FBLN2: variants seen among roughly 807,000 people sequenced by gnomAD.
FBLN2 encodes the protein fibulin 2, also known as fibulin-2.
FBLN2 carries 81 observed loss-of-function variants against 123.7 expected under a neutral mutation model. That is an observed-to-expected ratio of 0.65 (90% CI 0.55 to 0.79). The LOEUF is 0.79. Among genes scored for constraint, FBLN2 ranks in the 30% least tolerant of loss-of-function variants. The probability of loss-of-function intolerance (pLI) is 0.00; values close to 1 mark genes in which losing one functional copy is unlikely to be tolerated. For synonymous variants in FBLN2, 699 were observed against 701.4 expected, an observed-to-expected ratio of 1.00 and a Z score of 0.05; for missense variants, 1,603 against 1,681.3, an observed-to-expected ratio of 0.95 and a Z score of 0.81.
intron 1 of FBLN2, among the ~76,000 whole-genome samples, chr3:13,550,417 C>T (rs1213474168): frequency 1.3e-5 from 2 of 152,230 alleles, no homozygotes; most frequent in Non-Finnish European, 2.9e-5. Flanking sequence ...TTGCAGTGAT[C>T]ACTTGGGCCA....
rs543515573 is a variant in FBLN2 at position 13,618,279 on chromosome 3, C to A, written c.1933C>A (p.Arg645Ser). 2 of 1,613,658 alleles carry A rather than the reference C, an allele frequency of 1.2e-6. No homozygotes were observed. Among genetic ancestry groups the A allele is most frequent in the Non-Finnish European group, 1.7e-6 (2 of 1,179,896 alleles). ...ACTGCAGGACGATGGCCGCACTTGCCGCCCAGGTAAGGGCCCTGATGGCCA... is the reference window on the plus strand; with the variant it reads ...ACTGCAGGACGATGGCCGCACTTGCAGCCCAGGTAAGGGCCCTGATGGCCA... ...FSLQDDGRTC[R>S]PEGHPPQPEA... Residue 645 changes from arginine (R) to serine (S), a missense_variant, in exon 6 of 18, where the codon CGC (arginine) becomes AGC (serine). Arg to Ser is a moderately radical substitution (Grantham distance 110). Transcript: ENST00000404922.
At chr3:13,600,562 A>C (rs1432935077) in intron 2 of FBLN2, among the ~76,000 whole-genome samples, 1 of 151,726 alleles carries the variant, frequency 6.6e-6, no homozygotes, top group East Asian at 1.9e-4. Context: ...GGCCTGGAGA[A>C]GGGAGAGTAA....
In FBLN2 at chr3:13,605,575, G is replaced by A. The variant is rs373943282; in HGVS notation, c.1307-2487G>A. Reference sequence around the variant, plus strand: ...TCTGACAGCTCCTGCATGTAGCATGGCCCCAGATTTTCCTCATCCTCCCCC... The same window carrying A: ...TCTGACAGCTCCTGCATGTAGCATGACCCCAGATTTTCCTCATCCTCCCCC... On this transcript the variant is annotated intron_variant, in intron 2 of 17. Transcript: ENST00000404922. Among the ~76,000 whole-genome samples, 264 of 152,254 alleles carry A rather than the reference G, an allele frequency of 1.7e-3. 1 individual carries two copies. The South Asian group carries it at 0.032, about 18-fold the overall frequency.
chr3:13,615,668 T>C (rs1283871547), intron 5 of FBLN2, among the ~76,000 whole-genome samples: 1 of 152,224 alleles, frequency 6.6e-6, no homozygotes, highest in Non-Finnish European at 1.5e-5. Flanking sequence ...TAGTGATGCA[T>C]TCAGCATTGC....
intron 2 of FBLN2, among the ~76,000 whole-genome samples, chr3:13,599,690 C>A (rs1027526136): frequency 4.0e-5 from 6 of 151,246 alleles, no homozygotes; most frequent in African/African-American, 7.3e-5. Flanking sequence ...GAGTGATAGA[C>A]TGGAGGGAGG....
Position 13,638,019 on chromosome 3 carries a change from ATTAAC to A in FBLN2, c.*105_*109del. The A allele has an allele frequency of 4.3e-6, 5 of 1,153,276 alleles. No homozygotes were observed. The highest frequency in any genetic ancestry group is 4.7e-5 in the Admixed American group (2 of 42,350). 71.4% of individuals were successfully genotyped at this position (1,153,276 alleles called of 1,614,324 possible). A position where few individuals can be genotyped will look rare whatever the true frequency, so the allele number is the denominator to read the frequency against. The stretch of plus-strand genomic sequence containing the variant: ...TGTGGTTTTTACTATAACTTTGTAA[ATTAAC>A]TTAATTTTGCTGACTTGACTCCTGT... On this transcript the variant is annotated 3_prime_UTR_variant, in exon 18 of 18. Transcript: ENST00000404922.
intron 1 of FBLN2, among the ~76,000 whole-genome samples, chr3:13,559,255 A>AGGC (rs1553616084): frequency 6.6e-6 from 1 of 151,712 alleles, no homozygotes; most frequent in Non-Finnish European, 1.5e-5. Flanking sequence ...GTTAATCAAA[A>AGGC]GGGGTTCATG....
At chr3:13,601,041 C>G (rs1046078172) in intron 2 of FBLN2, among the ~76,000 whole-genome samples, 1 of 152,192 alleles carries the variant, frequency 6.6e-6, no homozygotes, top group Admixed American at 6.5e-5. Flanking sequence ...AGGGTAGTCA[C>G]TCTGCTTGGG....
chr3:13,626,704 C>A, intron 10 of FBLN2, 125 bp downstream of exon 10: 1 of 978,660 alleles, frequency 1.0e-6, no homozygotes, highest in Non-Finnish European at 1.4e-6. Flanking sequence ...CCTCTCCATC[C>A]CCTCCTTTCT....
In FBLN2 at chr3:13,601,221, G is replaced by A. The variant is rs1428009035; in HGVS notation, c.1307-6841G>A. 4.6e-5 allele frequency among the ~76,000 whole-genome samples: 7 copies of A among 152,236 alleles called. No homozygotes were observed. In the East Asian group the frequency reaches 1.3e-3, roughly 29 times the overall value. On this transcript the variant is annotated intron_variant, in intron 2 of 17. Transcript: ENST00000404922. Reference sequence around the variant, plus strand: ...TCCCACTGATGTCATCTGGCTAAGAGCCAGGGACCATAATCTCTGTAAGGC... The same window carrying A: ...TCCCACTGATGTCATCTGGCTAAGAACCAGGGACCATAATCTCTGTAAGGC...
chr3:13,562,075 T>G (rs566219979), intron 1 of FBLN2, among the ~76,000 whole-genome samples: 1 of 152,320 alleles, frequency 6.6e-6, no homozygotes, highest in Admixed American at 6.5e-5. Flanking sequence ...ACTTGATGCT[T>G]TGTGCCAAGA....
At chr3:13,634,833 T>C (rs1450090027) in intron 16 of FBLN2, among the ~76,000 whole-genome samples, 2 of 152,234 alleles carry the variant, frequency 1.3e-5, no homozygotes, top group Non-Finnish European at 2.9e-5. Flanking sequence ...CTGGCAGCTA[T>C]GTGACCCTGG....
Position 13,627,875 on chromosome 3 carries a change from C to T in FBLN2, c.2475C>T (p.Gly825=), listed in dbSNP as rs533566155. Reference sequence around the variant, plus strand: ...TGGGCACGCACACCTGCCAGCCGGGCTTCTTGTGCCAGAACACCAAGGGCT... The same window carrying T: ...TGGGCACGCACACCTGCCAGCCGGGTTTCTTGTGCCAGAACACCAAGGGCT... ...CAMGTHTCQP[G]FLCQNTKGSF... The change falls in exon 11 of 18, where the codon GGC becomes GGT. Residue 825 remains glycine, a synonymous_variant. Coordinates refer to ENST00000404922, the MANE Select transcript of FBLN2 (RefSeq NM_001004019.2). The T allele has an allele frequency of 1.2e-6, 2 of 1,613,794 alleles. No individual in the cohort carries two copies. The highest frequency in any genetic ancestry group is 3.3e-5 in the Admixed American group (2 of 60,018).
At chr3:13,609,342 C>T (rs1381508011) in intron 3 of FBLN2, among the ~76,000 whole-genome samples, 171 bp from the exon 4 acceptor site, 4 of 152,240 alleles carry the variant, frequency 2.6e-5, no homozygotes, top group Non-Finnish European at 5.9e-5. Context: ...CATGGTTAAG[C>T]CAAGAAATGA....
chr3:13,618,834 G>A, intron 6 of FBLN2, 70 bp from the exon 7 acceptor site: 1 of 1,115,110 alleles, frequency 9.0e-7, no homozygotes, highest in Non-Finnish European at 1.3e-6. Context: ...GCAGGTGCCT[G>A]GAAGTGCCTG....
At chr3:13,628,773 T>G in intron 11 of FBLN2, 132 bp from the exon 12 acceptor site, 1 of 1,063,432 alleles carries the variant, frequency 9.4e-7, no homozygotes, top group Non-Finnish European at 1.3e-6. Context: ...GGTAGGACAG[T>G]CTGGCCCTGC....
At chr3:13,611,504 C>G (rs980180912) in intron 4 of FBLN2, among the ~76,000 whole-genome samples, 2 of 152,202 alleles carry the variant, frequency 1.3e-5, no homozygotes, top group Non-Finnish European at 2.9e-5. Context: ...CTAGGGAACT[C>G]ATGTAAGTGG....
intron 3 of FBLN2, 62 bp downstream of exon 3, chr3:13,608,235 C>T (rs957834002): frequency 8.0e-7 from 1 of 1,253,980 alleles, no homozygotes; most frequent in Non-Finnish European, 1.1e-6. Context: ...ACCCTGCTTG[C>T]CTAGGACCCC....
At chr3:13,563,682 C>G (rs1703669818) in intron 1 of FBLN2, among the ~76,000 whole-genome samples, 1 of 152,240 alleles carries the variant, frequency 6.6e-6, no homozygotes, top group Non-Finnish European at 1.5e-5. Flanking sequence ...CACTATGGGT[C>G]TTGCATTACT....
Sources: gnomAD v4.1 joint callset for allele counts (sites outside exome capture counted in the v4.1 genomes callset) on GRCh38, gnomAD v4.1.1 for gene constraint, MANE v1.5 for transcripts, NCBI Gene and HGNC (gene_info 2026-07-23, HGNC 2026-07-21) for gene names.